Variants in CLIP2 observed in about 807,000 individuals in gnomAD.
CLIP2 encodes CAP-Gly domain-containing linker protein 2.
In CLIP2, 41 loss-of-function variants were observed where a neutral mutation model predicts 111.7. That is an observed-to-expected ratio of 0.37 (90% CI 0.29 to 0.48). The LOEUF is 0.48. CLIP2 is among the 20% of genes least tolerant of loss of function. The pLI is 0.99. For synonymous variants in CLIP2, 660 were observed against 644.2 expected (o/e 1.02, Z -0.37); for missense variants, 1,160 against 1,422.1 (o/e 0.82, Z 2.96).
Position 74,405,242 on chromosome 7 carries a change from T to TACAGCTTTGCACCCCGGCATCAGC in CLIP2, c.*1399_*1422dup, listed in dbSNP as rs1791739591. The stretch of plus-strand genomic sequence containing the variant: ...GCCGCTGGGGGACCAACAGGTTGCT[T>TACAGCTTTGCACCCCGGCATCAGC]ACAGCTTTGCACCCCGGCATCAGCA... On this transcript the variant is annotated 3_prime_UTR_variant, in exon 17 of 17. Coordinates refer to ENST00000223398, the MANE Select transcript of CLIP2 (RefSeq NM_003388.5). The TACAGCTTTGCACCCCGGCATCAGC allele has an allele frequency of 6.6e-6, 1 of 152,304 alleles. No individual in the cohort carries two copies. 9.4% of individuals were successfully genotyped at this position (152,304 alleles called of 1,614,324 possible).
chr7:74,343,402 G>C (rs577374384), intron 3 of CLIP2, among the ~76,000 whole-genome samples: 1 of 152,022 alleles, frequency 6.6e-6, no homozygotes, highest in Non-Finnish European at 1.5e-5. Context: ...CAGGATCTCC[G>C]GGGTCTGTGG....
In CLIP2 at chr7:74,403,686, C is replaced by T. The variant is rs557403750; in HGVS notation, c.3130-151C>T. ...CAGCCACAAACACACAGCAGGGAGA[C>T]ACTTCCTGCCTCAGGGCCTTGGCAC... is the stretch of plus-strand genomic sequence containing the variant. On this transcript the variant is annotated intron_variant, in intron 16 of 16. Coordinates refer to ENST00000223398, the MANE Select transcript of CLIP2 (RefSeq NM_003388.5). 41 of 792,312 alleles carry T rather than the reference C, an allele frequency of 5.2e-5. No individual in the cohort carries two copies. In the African/African-American group the frequency reaches 5.7e-4, roughly 11 times the overall value. 49.1% of individuals were successfully genotyped at this position (792,312 alleles called of 1,614,324 possible). A position where few individuals can be genotyped will look rare whatever the true frequency, so the allele number is the denominator to read the frequency against.
chr7:74,393,032 T>G (rs1415772006), intron 13 of CLIP2, among the ~76,000 whole-genome samples: 2 of 147,420 alleles, frequency 1.4e-5, no homozygotes, highest in African/African-American at 4.9e-5. Context: ...TGTAAGCATT[T>G]GCTTTTTTTT....
At chr7:74,327,023 C>T (rs918208854) in intron 2 of CLIP2, among the ~76,000 whole-genome samples, 1 of 151,782 alleles carries the variant, frequency 6.6e-6, no homozygotes, top group East Asian at 1.9e-4. Context: ...CTCCACCTCC[C>T]GGGTTCAAGA....
intron 11 of CLIP2, chr7:74,381,731 A>G (rs926871336): frequency 2.4e-6 from 1 of 420,874 alleles, no homozygotes; most frequent in Non-Finnish European, 4.7e-6. Context: ...GTTCCTTATC[A>G]GTAGTACATT....
In CLIP2 at chr7:74,338,882, C is replaced by T. The variant is rs1554732781; in HGVS notation, c.556C>T (p.Pro186Ser). 1 of 1,606,730 alleles carries T rather than the reference C, an allele frequency of 6.2e-7. No individual in the cohort carries two copies. Among genetic ancestry groups the T allele is most frequent in the Admixed American group, 1.7e-5 (1 of 60,022 alleles). ...GCCCCCGCTGACCAGCCGCGTCATC[C>T]CCCTGCGGGAGAGCGTCCTCAACAG... ...ATPPLTSRVI[P>S]LRESVLNSSV... The change falls in exon 3 of 17, where the codon CCC (proline) becomes TCC (serine). Residue 186 changes from proline to serine, a missense_variant. Transcript: ENST00000223398. This position sits in a 1 kb window ranked among gnomAD's most constrained non-coding sequence, Gnocchi z 4.3.
intron 9 of CLIP2, 67 bp from the exon 10 acceptor site, chr7:74,375,820 T>G: frequency 7.4e-7 from 1 of 1,355,500 alleles, no homozygotes; most frequent in Non-Finnish European, 9.8e-7. Context: ...GCCCCCACCA[T>G]TGTGCCCTCC....
intron 9 of CLIP2, among the ~76,000 whole-genome samples, chr7:74,373,836 G>C (rs1790706008): frequency 1.3e-5 from 2 of 152,084 alleles, no homozygotes; most frequent in African/African-American, 4.8e-5. Flanking sequence ...TGAAACATGG[G>C]TGCAGGAGGG....
chr7:74,357,923 AT>A (rs1790195586), intron 6 of CLIP2, among the ~76,000 whole-genome samples: 1 of 144,280 alleles, frequency 6.9e-6, no homozygotes, highest in South Asian at 2.2e-4. Context: ...TGCCCAGCTA[AT>A]TTTTGTACTT....
intron 14 of CLIP2, among the ~76,000 whole-genome samples, chr7:74,397,943 AG>A (rs1158618724): frequency 6.6e-6 from 1 of 150,814 alleles, no homozygotes; most frequent in Non-Finnish European, 1.5e-5. Context: ...GTGGGATTAC[AG>A]GTGTCAGCCA....
At chr7:74,323,429 T>C (rs1355080289) in intron 2 of CLIP2, among the ~76,000 whole-genome samples, 1 of 148,240 alleles carries the variant, frequency 6.7e-6, no homozygotes, top group Non-Finnish European at 1.5e-5. Flanking sequence ...TTTCTTTTCT[T>C]TTTTTTTTTC....
chr7:74,347,092 C>G (rs1019635827), intron 3 of CLIP2, among the ~76,000 whole-genome samples: 1 of 152,024 alleles, frequency 6.6e-6, no homozygotes, highest in Non-Finnish European at 1.5e-5. Flanking sequence ...GCCCCGTCCC[C>G]GTTCCTGCCT....
At chr7:74,368,860 C>A (rs1554311343) in intron 8 of CLIP2, among the ~76,000 whole-genome samples, 1 of 152,210 alleles carries the variant, frequency 6.6e-6, no homozygotes, top group East Asian at 1.9e-4. Context: ...TTATTTCAGC[C>A]ATGCCCTGAC....
intron 2 of CLIP2, among the ~76,000 whole-genome samples, chr7:74,319,680 G>A (rs901132956): frequency 6.6e-6 from 1 of 151,860 alleles, no homozygotes; most frequent in Non-Finnish European, 1.5e-5. Context: ...AATTAGCCAG[G>A]CATGGTAGTG....
At chr7:74,329,087 GT>G (rs35692014) in intron 2 of CLIP2, among the ~76,000 whole-genome samples, 1,869 of 111,050 alleles carry the variant, frequency 0.017, 23 homozygotes, top group African/African-American at 0.05. Flanking sequence ...TTTTTTTTTG[GT>G]TTTTTTTTTT....
At chr7:74,339,924 C>CA (rs1312026132) in intron 3 of CLIP2, among the ~76,000 whole-genome samples, 9 of 149,514 alleles carry the variant, frequency 6.0e-5, no homozygotes, top group Admixed American at 1.3e-4. Flanking sequence ...CCCATCTCTA[C>CA]AAAAAAAAAT....
rs182987789 is a variant in CLIP2 at position 74,387,341 on chromosome 7, C to T, written c.2563+737C>T. Reference sequence around the variant, plus strand: ...TCAGCTCACTGAAACCTCCACTTCCCGGGTTCAAGCGATTCTCCTGCCTCA... The same window carrying T: ...TCAGCTCACTGAAACCTCCACTTCCTGGGTTCAAGCGATTCTCCTGCCTCA... On this transcript the variant is annotated intron_variant, in intron 12 of 16. Coordinates refer to ENST00000223398, the MANE Select transcript of CLIP2 (RefSeq NM_003388.5). Among the ~76,000 whole-genome samples, 1,428 of 152,226 alleles carry T rather than the reference C, an allele frequency of 9.4e-3. 19 individuals are homozygous for T. Among genetic ancestry groups the T allele is most frequent in the African/African-American group, 0.032 (1,322 of 41,540 alleles).
intron 10 of CLIP2, chr7:74,379,885 T>G (rs1235006159): frequency 6.6e-6 from 1 of 152,154 alleles, no homozygotes; most frequent in Non-Finnish European, 1.5e-5. Context: ...AGGTGGAGGT[T>G]GCAGTGAGCT....
chr7:74,328,628 T>A (rs1465332816), intron 2 of CLIP2, among the ~76,000 whole-genome samples: 1 of 152,118 alleles, frequency 6.6e-6, no homozygotes, highest in Non-Finnish European at 1.5e-5. Flanking sequence ...GATGTGGAGT[T>A]GCTATGGACG....
Sources: allele counts gnomAD v4.1 joint callset (sites outside exome capture counted in the v4.1 genomes callset), GRCh38; gene constraint gnomAD v4.1.1; non-coding constraint Gnocchi (gnomAD v3.1); transcripts MANE v1.5; gene names NCBI Gene and HGNC (gene_info 2026-07-23, HGNC 2026-07-21).